The following SGCD variants were observed in gnomAD, a reference collection of about 807,000 sequenced individuals.
SGCD encodes delta-sarcoglycan.
In SGCD, 18 loss-of-function variants were observed where a neutral mutation model predicts 36.6. The observed-to-expected ratio is 0.49, with a 90% confidence interval of 0.34 to 0.73. SGCD has a LOEUF of 0.73. SGCD is among the 30% of genes least tolerant of loss of function. The pLI is 0.01. For synonymous variants in SGCD, 133 were observed against 130.6 expected (o/e 1.02, Z -0.12); for missense variants, 387 against 346.7 (o/e 1.12, Z -0.92).
rs1755145407 is a variant in SGCD at position 156,714,763 on chromosome 5, A to G, written c.576-42818A>G. On this transcript the variant is annotated intron_variant, in intron 7 of 8. Transcript: ENST00000337851. ...ATTTTCATACCTGTTTTTATTTGCT[A>G]CATCATGTAGATCTCAGTTGAAGCA... Among the ~76,000 whole-genome samples, 4 of 152,224 alleles carry G rather than the reference A, an allele frequency of 2.6e-5. No individual in the cohort carries two copies. In the South Asian group the frequency reaches 8.3e-4, roughly 32 times the overall value.
intron 3 of SGCD, among the ~76,000 whole-genome samples, chr5:156,301,368 A>G (rs1407788156): frequency 6.6e-6 from 1 of 152,122 alleles, no homozygotes; most frequent in Non-Finnish European, 1.5e-5. Flanking sequence ...ACAAACTAAC[A>G]AAGAGAAAAC....
intron 3 of SGCD, among the ~76,000 whole-genome samples, chr5:156,297,047 G>A (rs957156043): frequency 6.7e-6 from 1 of 149,340 alleles, no homozygotes; most frequent in African/African-American, 2.5e-5. Context: ...ATATATATAT[G>A]GGATATATTA....
In SGCD at chr5:156,023,327, T is replaced by TC. The variant is rs1759151263; in HGVS notation, c.-281-94546dup. On this transcript the variant is annotated intron_variant, in intron 1 of 9. Coordinates refer to the SGCD transcript ENST00000517913. ...ACCTTGTCTTCCACATGAAAATTGT[T>TC]CCCCCATGTTGCCATGAACTGTGCT... 2.4e-5 allele frequency among the ~76,000 whole-genome samples: 3 copies of TC among 124,322 alleles called. No homozygotes were observed. The South Asian group carries it at 8.9e-4, about 37-fold the overall frequency. The allele number at this position is 124,322 out of a possible 152,430, so 81.6% of individuals were successfully genotyped here. A position where few individuals can be genotyped will look rare whatever the true frequency, so the allele number is the denominator to read the frequency against.
intron 6 of SGCD, among the ~76,000 whole-genome samples, chr5:156,626,413 T>C (rs1231542639): frequency 6.6e-6 from 1 of 152,220 alleles, no homozygotes; most frequent in Non-Finnish European, 1.5e-5. Flanking sequence ...CTCTCTAGCC[T>C]GAGCCTGGTC....
At chr5:155,790,315 T>G in the SGCD span, among the ~76,000 whole-genome samples, 7 of 152,066 alleles carry the variant, frequency 4.6e-5, no homozygotes, top group Admixed American at 3.3e-4. Context: ...AAGAGACAAG[T>G]TTACATTCTT....
At chr5:156,486,562 C>T (rs1755669457) in intron 3 of SGCD, among the ~76,000 whole-genome samples, 1 of 152,134 alleles carries the variant, frequency 6.6e-6, no homozygotes, top group Admixed American at 6.5e-5. Flanking sequence ...TAGAAGGTCA[C>T]CCAGCCCCAC....
At position 156,762,471 on chromosome 5, in the gene SGCD, T is replaced by C. The variant is rs146340802; in HGVS notation, c.*3081T>C. On this transcript the variant is annotated 3_prime_UTR_variant, in exon 9 of 9. Coordinates refer to ENST00000337851, the MANE Select transcript of SGCD (RefSeq NM_000337.6). ...AAAAGCCTGACATGTGGCTTTATAA[T>C]TGTTATGTTACCCAAGGGATAAACT... is the stretch of plus-strand genomic sequence containing the variant. 6.5e-6 allele frequency: 1 copy of C among 152,778 alleles called. No individual in the cohort carries two copies. Among genetic ancestry groups the C allele is most frequent in the East Asian group, 1.9e-4 (1 of 5,182 alleles). 9.5% of individuals were successfully genotyped at this position (152,778 alleles called of 1,614,324 possible).
chr5:155,750,096 T>C, the SGCD span, among the ~76,000 whole-genome samples: 1 of 152,210 alleles, frequency 6.6e-6, no homozygotes, highest in Non-Finnish European at 1.5e-5. Flanking sequence ...AACTAACTTT[T>C]AGTTTAAAAG....
In SGCD at chr5:156,723,149, A is replaced by C. The variant is rs548145940; in HGVS notation, c.576-34432A>C. 2.6e-5 allele frequency among the ~76,000 whole-genome samples: 4 copies of C among 152,340 alleles called. No individual in the cohort carries two copies. In the South Asian group the frequency reaches 8.3e-4, roughly 32 times the overall value. ...ACTGGATGAAATTATATTTTAAATG[A>C]TATATCTGCCAGGATTACTACAAGG... On this transcript the variant is annotated intron_variant, in intron 7 of 8. Coordinates refer to ENST00000337851, the MANE Select transcript of SGCD (RefSeq NM_000337.6).
At chr5:155,861,082 A>ACACAT in the SGCD span, among the ~76,000 whole-genome samples, 3 of 152,228 alleles carry the variant, frequency 2.0e-5, no homozygotes, top group South Asian at 6.2e-4. Context: ...ATGCATATAT[A>ACACAT]GCTCATTTAT....
chr5:155,752,678 C>A, the SGCD span, among the ~76,000 whole-genome samples: 1 of 152,134 alleles, frequency 6.6e-6, no homozygotes, highest in Non-Finnish European at 1.5e-5. Context: ...ATGATTTAAT[C>A]AGTATTTATC....
chr5:156,254,868 AT>A (rs575738863), intron 3 of SGCD, among the ~76,000 whole-genome samples: 104 of 150,982 alleles, frequency 6.9e-4, no homozygotes, highest in South Asian at 4.2e-3. Context: ...AATAAATCTC[AT>A]TTTTTTTTGT....
At chr5:156,185,212 CTTTTT>C (rs755578762) in intron 3 of SGCD, among the ~76,000 whole-genome samples, 4 of 113,226 alleles carry the variant, frequency 3.5e-5, no homozygotes, top group Admixed American at 1.9e-4. Context: ...CTTTAATTTT[CTTTTT>C]TTTTTTTTTT....
intron 1 of SGCD, among the ~76,000 whole-genome samples, chr5:155,999,746 G>T (rs1049421249): frequency 1.3e-5 from 2 of 152,220 alleles, no homozygotes; most frequent in African/African-American, 4.8e-5. Flanking sequence ...CTGAAAGACA[G>T]ATGGGTAAAT....
At chr5:156,111,057 C>T (rs1289394868) in intron 1 of SGCD, among the ~76,000 whole-genome samples, 1 of 152,082 alleles carries the variant, frequency 6.6e-6, no homozygotes, top group Non-Finnish European at 1.5e-5. Flanking sequence ...ATTAAACAAG[C>T]TCTAAAACAT....
intron 3 of SGCD, among the ~76,000 whole-genome samples, chr5:156,201,409 A>T (rs541146814): frequency 3.9e-5 from 6 of 152,330 alleles, no homozygotes; most frequent in African/African-American, 9.6e-5. Context: ...TTCAGTAAAC[A>T]TGCTGACATC....
chr5:156,672,418 A>G (rs1038426538), intron 7 of SGCD, among the ~76,000 whole-genome samples: 2 of 152,084 alleles, frequency 1.3e-5, no homozygotes, highest in African/African-American at 4.8e-5. Context: ...ACAGAGACCT[A>G]AACAAATCTT....
At chr5:156,558,877 C>A (rs746664389) in intron 4 of SGCD, among the ~76,000 whole-genome samples, 3 of 152,096 alleles carry the variant, frequency 2.0e-5, no homozygotes, top group African/African-American at 4.8e-5. Context: ...AGTAAAAAGA[C>A]GATCAGGTGT....
chr5:155,916,565 G>C (rs1349893760), intron 1 of SGCD, among the ~76,000 whole-genome samples: 1 of 152,074 alleles, frequency 6.6e-6, no homozygotes, highest in Non-Finnish European at 1.5e-5. Context: ...GTGAACATCA[G>C]GTCTGTATTG....
Sources: allele counts gnomAD v4.1 joint callset (sites outside exome capture counted in the v4.1 genomes callset), GRCh38; gene constraint gnomAD v4.1.1; transcripts MANE v1.5; gene names NCBI Gene and HGNC (gene_info 2026-07-23, HGNC 2026-07-21).